Variants in ADAMTS20 observed in about 807,000 individuals in gnomAD.
The protein encoded by ADAMTS20 is ADAM metallopeptidase with thrombospondin type 1 motif 20.
A neutral mutation model predicts 260.1 loss-of-function variants in ADAMTS20; 225 were observed. The ratio of observed to expected loss-of-function variants is 0.87; its 90% CI spans 0.78 to 0.97. ADAMTS20 has a LOEUF of 0.97. Among genes scored for constraint, ADAMTS20 ranks in the 50% least tolerant of loss-of-function variants. The pLI is 0.00. For missense variants in ADAMTS20, 2,400 were observed against 2,337.7 expected (o/e 1.03, Z -0.55); for synonymous variants, 802 against 769.5 (o/e 1.04, Z -0.70).
intron 7 of ADAMTS20, among the ~76,000 whole-genome samples, chr12:43,470,983 C>G (rs957350488): frequency 2.6e-5 from 4 of 152,150 alleles, no homozygotes; most frequent in African/African-American, 4.8e-5. Flanking sequence ...CGGGGAGGAG[C>G]CAAGATGGCC....
rs924376298 is a variant in ADAMTS20 at position 43,461,147 on chromosome 12, C to T, written c.1614+1748G>A. Among the ~76,000 whole-genome samples the T allele has an allele frequency of 4.0e-5, 6 of 150,880 alleles. 1 individual carries two copies. The highest frequency in any genetic ancestry group is 2.0e-4 in the Admixed American group (3 of 15,134). On this transcript the variant is annotated intron_variant, in intron 11 of 38. Coordinates refer to ENST00000389420, the MANE Select transcript of ADAMTS20 (RefSeq NM_025003.5). ...CTGGGATTACAGGCGCCTGTCACCACGCCTGGCTAATTTTTGTATTTTTAG... is the reference window on the plus strand; with the variant it reads ...CTGGGATTACAGGCGCCTGTCACCATGCCTGGCTAATTTTTGTATTTTTAG...
intron 28 of ADAMTS20, among the ~76,000 whole-genome samples, chr12:43,425,255 G>T (rs546780030): frequency 1.8e-4 from 28 of 151,988 alleles, no homozygotes; most frequent in Non-Finnish European, 4.0e-4. Flanking sequence ...GGGCCTGTTG[G>T]GGGAGGAGTG....
chr12:43,417,504 A>G (rs147853478), intron 28 of ADAMTS20, among the ~76,000 whole-genome samples: 200 of 152,328 alleles, frequency 1.3e-3, no homozygotes, highest in African/African-American at 4.6e-3. Context: ...TATGAGCTTA[A>G]GTACAATCTA....
intron 2 of ADAMTS20, among the ~76,000 whole-genome samples, chr12:43,542,884 G>A (rs1592117784): frequency 1.3e-5 from 2 of 152,146 alleles, no homozygotes; most frequent in African/African-American, 4.8e-5. Context: ...CAGCATTCTT[G>A]AAGCTCCCCC....
chr12:43,526,678 G>A (rs1197587176), intron 3 of ADAMTS20, among the ~76,000 whole-genome samples: 1 of 152,104 alleles, frequency 6.6e-6, no homozygotes. Flanking sequence ...TTTGGGACAG[G>A]GCAAAAGTAG....
rs1001141964 is a variant in ADAMTS20 at position 43,471,044 on chromosome 12, C to T, written c.1118-2339G>A. Among the ~76,000 whole-genome samples the T allele has an allele frequency of 4.6e-5, 7 of 152,194 alleles. 1 individual carries two copies. The highest frequency in any genetic ancestry group is 2.1e-4 in the South Asian group (1 of 4,824). On this transcript the variant is annotated intron_variant, in intron 7 of 38. Coordinates refer to ENST00000389420, the MANE Select transcript of ADAMTS20 (RefSeq NM_025003.5). ...CTCCCAGCGTGAGCGACGCAGAAGACGGGTGATTTCTGCATTTCCATCTGA... is the reference window on the plus strand; with the variant it reads ...CTCCCAGCGTGAGCGACGCAGAAGATGGGTGATTTCTGCATTTCCATCTGA...
At chr12:43,537,599 C>T (rs1302172430) in intron 2 of ADAMTS20, among the ~76,000 whole-genome samples, 2 of 152,046 alleles carry the variant, frequency 1.3e-5, no homozygotes, top group Admixed American at 6.6e-5. Flanking sequence ...GTTGTACTAG[C>T]AAATAGGTCT....
Position 43,431,341 on chromosome 12 carries a change from T to C in ADAMTS20, c.3252A>G (p.Pro1084=). 2 of 1,613,738 alleles carry C rather than the reference T, an allele frequency of 1.2e-6. No individual in the cohort carries two copies. Among genetic ancestry groups the C allele is most frequent in the Non-Finnish European group, 1.7e-6 (2 of 1,179,706 alleles). The change falls in exon 22 of 39, where the codon CCA becomes CCG. Residue 1084 remains proline (P), a synonymous_variant. Transcript: ENST00000389420. ...CATATCATATACTCACAGGACCCCA[T>C]GGTCCTACTTGCCAGGAAGCACATG... ...LHTCASWQVG[P]WGPCTTTCGH...
chr12:43,521,107 A>T lies in ADAMTS20; in HGVS notation c.613+10929T>A, dbSNP rs574227906. Among the ~76,000 whole-genome samples, 7 of 152,346 alleles carry T rather than the reference A, an allele frequency of 4.6e-5. No individual in the cohort carries two copies. In the East Asian group the frequency reaches 1.3e-3, roughly 29 times the overall value. On this transcript the variant is annotated intron_variant, in intron 3 of 38. Transcript: ENST00000389420. ...GCCTGATCCCTTTAGCTGTAAGGTT[A>T]AAAAGTTAATAAGTTAAAAACTCGT...
intron 26 of ADAMTS20, 129 bp downstream of exon 26, chr12:43,428,112 A>C: frequency 2.1e-6 from 2 of 962,630 alleles, no homozygotes; most frequent in South Asian, 3.6e-5. Context: ...TAATCTTTTT[A>C]ATATTTAAAC....
At chr12:43,364,673 C>G (rs991147348) in intron 37 of ADAMTS20, among the ~76,000 whole-genome samples, 2 of 151,426 alleles carry the variant, frequency 1.3e-5, no homozygotes, top group African/African-American at 4.9e-5. Context: ...ATCTGAAGAA[C>G]AGAGAGGAAA....
chr12:43,551,384 G>A lies in ADAMTS20; in HGVS notation c.92-114C>T, dbSNP rs1010038032. The A allele has an allele frequency of 7.0e-7, 1 of 1,433,578 alleles. No homozygotes were observed. The highest frequency in any genetic ancestry group is 1.4e-5 in the African/African-American group (1 of 70,188). The allele number at this position is 1,433,578 out of a possible 1,614,324, so 88.8% of individuals were successfully genotyped here. A position where few individuals can be genotyped will look rare whatever the true frequency, so the allele number is the denominator to read the frequency against. On this transcript the variant is annotated intron_variant, in intron 1 of 38. Coordinates refer to ENST00000389420, the MANE Select transcript of ADAMTS20 (RefSeq NM_025003.5). The surrounding 1 kb of genome is among the most constrained non-coding windows in gnomAD (Gnocchi z 4.6). ...GTCCCAGGTCCCAGTACAGCCAGGG[G>A]CAAGACAAATGCACACATGCTGATG...
At chr12:43,382,598 G>C (rs1020433362) in intron 31 of ADAMTS20, among the ~76,000 whole-genome samples, 1 of 151,888 alleles carries the variant, frequency 6.6e-6, no homozygotes, top group Non-Finnish European at 1.5e-5. Flanking sequence ...ACTAAAATTC[G>C]CTAAATTATA....
chr12:43,546,862 C>T (rs1291873204), intron 2 of ADAMTS20, among the ~76,000 whole-genome samples: 1 of 151,438 alleles, frequency 6.6e-6, no homozygotes, highest in Admixed American at 6.6e-5. Context: ...TGAATAAATA[C>T]TTACACTTAT....
At chr12:43,428,092 C>T (rs1941366456) in intron 26 of ADAMTS20, 149 bp downstream of exon 26, 3 of 816,230 alleles carry the variant, frequency 3.7e-6, no homozygotes, top group Non-Finnish European at 5.6e-6. Context: ...TAATGAGCAT[C>T]AAAGACGCTT....
At chr12:43,371,744 C>T (rs1940112281) in intron 36 of ADAMTS20, among the ~76,000 whole-genome samples, 1 of 152,104 alleles carries the variant, frequency 6.6e-6, no homozygotes, top group Non-Finnish European at 1.5e-5. Context: ...TAGGAGTGAT[C>T]ATGGGGCTCA....
chr12:43,370,401 CTT>C (rs907341889), intron 36 of ADAMTS20, among the ~76,000 whole-genome samples: 2 of 152,202 alleles, frequency 1.3e-5, no homozygotes, highest in African/African-American at 4.8e-5. Context: ...ACAAATCAGA[CTT>C]TTTCTTCCCT....
chr12:43,495,528 A>G (rs1942665285), intron 4 of ADAMTS20, among the ~76,000 whole-genome samples: 1 of 152,218 alleles, frequency 6.6e-6, no homozygotes, highest in Non-Finnish European at 1.5e-5. Flanking sequence ...ATATAGATAT[A>G]CATAATGCTA....
At chr12:43,481,304 G>T (rs111446303) in intron 7 of ADAMTS20, among the ~76,000 whole-genome samples, 5,483 of 151,540 alleles carry the variant, frequency 0.036, 177 homozygotes, top group African/African-American at 0.085. Context: ...TTCACTATCT[G>T]CAGAAAAAAC....
Sources: allele counts gnomAD v4.1 joint callset (sites outside exome capture counted in the v4.1 genomes callset), GRCh38; gene constraint gnomAD v4.1.1; non-coding constraint Gnocchi (gnomAD v3.1); transcripts MANE v1.5; gene names NCBI Gene and HGNC (gene_info 2026-07-23, HGNC 2026-07-21).